MADD: variants seen among roughly 807,000 people sequenced by gnomAD.
MADD encodes MAP kinase activating death domain, also known as MAP kinase-activating death domain protein.
MADD carries 109 observed loss-of-function variants against 176.7 expected under a neutral mutation model. The ratio of observed to expected loss-of-function variants is 0.62; its 90% CI spans 0.53 to 0.72. The LOEUF (loss-of-function observed/expected upper bound fraction) is 0.72, where lower values mean the gene tolerates loss of function less well. MADD is among the 30% of genes least tolerant of loss of function. The probability of loss-of-function intolerance (pLI) is 0.00; values close to 1 mark genes in which losing one functional copy is unlikely to be tolerated. For missense variants in MADD, 1,914 were observed against 2,045.5 expected (o/e 0.94, Z 1.24); for synonymous variants, 771 against 771.3 (o/e 1.00, Z 0.01).
At chr11:47,316,492 G>A (rs918098696) in intron 27 of MADD, among the ~76,000 whole-genome samples, 2 of 149,620 alleles carry the variant, frequency 1.3e-5, no homozygotes, top group Non-Finnish European at 3.0e-5. Flanking sequence ...GGGTTCAAGC[G>A]ATTCTCCTGC....
chr11:47,274,522 C>G lies in MADD; in HGVS notation c.63-41C>G, dbSNP rs374560217. The G allele has an allele frequency of 6.0e-6, 9 of 1,492,408 alleles. 1 individual carries two copies. The African/African-American group carries it at 8.3e-5, about 14-fold the overall frequency. The allele number at this position is 1,492,408 out of a possible 1,614,324, so 92.4% of individuals were successfully genotyped here. On this transcript the variant is annotated intron_variant, in intron 2 of 32. Coordinates refer to ENST00000402192, the Ensembl canonical transcript of MADD. Reference sequence around the variant, plus strand: ...TGTGGTTAAAATTTGATAGCCCATTCCATCCCTTCAGGCTGCTGAATTTGT... The same window carrying G: ...TGTGGTTAAAATTTGATAGCCCATTGCATCCCTTCAGGCTGCTGAATTTGT...
chr11:47,282,533 A>G, exon 9 of MADD: 2 of 1,614,174 alleles, frequency 1.2e-6, no homozygotes, highest in Middle Eastern at 3.3e-4. Context: ...TTTGCCGAGA[A>G]ATTGGCCAGG....
At chr11:47,287,734 G>A (rs532377538) in intron 15 of MADD, among the ~76,000 whole-genome samples, 16 of 150,594 alleles carry the variant, frequency 1.1e-4, no homozygotes, top group Admixed American at 9.9e-4. Flanking sequence ...TCTCTGGATG[G>A]TATGACGAAA....
chr11:47,276,941 AGT>A (rs1192281937), intron 5 of MADD, 78 bp downstream of exon 5: 1 of 1,525,812 alleles, frequency 6.6e-7, no homozygotes, highest in Admixed American at 1.8e-5. Flanking sequence ...AGAAGTTGTA[AGT>A]GAGTGCTGGT....
chr11:47,288,487 T>A (rs758405565), intron 15 of MADD, among the ~76,000 whole-genome samples: 2 of 152,156 alleles, frequency 1.3e-5, no homozygotes, highest in Non-Finnish European at 2.9e-5. Context: ...CTTCATTTGG[T>A]ACATTTGAAG....
chr11:47,300,397 G>T (rs974650993), intron 22 of MADD, among the ~76,000 whole-genome samples: 2 of 151,764 alleles, frequency 1.3e-5, no homozygotes, highest in Non-Finnish European at 2.9e-5. Flanking sequence ...AGTAGAGACA[G>T]GGTTTCACCA....
intron 15 of MADD, among the ~76,000 whole-genome samples, chr11:47,287,944 C>T (rs547503833): frequency 2.0e-5 from 3 of 151,964 alleles, no homozygotes; most frequent in East Asian, 1.9e-4. Flanking sequence ...CCTGCCACCA[C>T]GCCTGCCTAA....
At chr11:47,284,140 T>G in intron 10 of MADD, 38 bp from the exon 11 acceptor site, 25 of 1,380,562 alleles carry the variant, frequency 1.8e-5, no homozygotes, top group South Asian at 2.3e-5. Flanking sequence ...CCCTGCCCCT[T>G]TCTGTTTTGT....
intron 31 of MADD, chr11:47,327,625 G>A (rs954920459): frequency 7.1e-6 from 7 of 985,178 alleles, no homozygotes; most frequent in Middle Eastern, 5.2e-4. Flanking sequence ...TTTCCTCCCC[G>A]TGTGTTCCCT....
exon 28 of MADD, chr11:47,323,673 G>A (rs2094938138): frequency 6.2e-7 from 1 of 1,612,908 alleles, no homozygotes; most frequent in Non-Finnish European, 8.5e-7. Context: ...TTCTCCAGGT[G>A]TGCGATGACT....
At position 47,326,665 on chromosome 11, in the gene MADD, C is replaced by T. The variant is rs1255541206; in HGVS notation, c.4543-73C>T. ...TTTCTTTGTGTGGGTGGGGCTGTAG[C>T]TGGGAGAGTGTGCTGTGTGGGGCAG... On this transcript the variant is annotated intron_variant, in intron 30 of 32. Transcript: ENST00000402192. 4.5e-6 allele frequency: 7 copies of T among 1,570,564 alleles called. No individual in the cohort carries two copies. In the Admixed American group the frequency reaches 9.2e-5, roughly 21 times the overall value.
At chr11:47,292,873 G>T (rs1294514707) in intron 19 of MADD, among the ~76,000 whole-genome samples, 1 of 152,122 alleles carries the variant, frequency 6.6e-6, no homozygotes, top group African/African-American at 2.4e-5. Context: ...GAGAATGTTT[G>T]CCTATTTTAG....
rs997031000 is a variant in MADD, at chr11:47,289,327, T to C, written c.2654-64T>C. On this transcript the variant is annotated intron_variant, in intron 15 of 32. Coordinates refer to ENST00000402192, the Ensembl canonical transcript of MADD. ...GGCATGGAACATGGCTACTTAGGGC[T>C]GTGCTGGCATGAGCTCCTGTACTAC... is the stretch of plus-strand genomic sequence containing the variant. 4.5e-6 allele frequency: 6 copies of C among 1,329,186 alleles called. No individual in the cohort carries two copies. In the African/African-American group the frequency reaches 8.7e-5, roughly 19 times the overall value. The allele number at this position is 1,329,186 out of a possible 1,614,324, so 82.3% of individuals were successfully genotyped here.
rs771451732 is a variant in MADD, at chr11:47,309,063, G to T, written c.3752-218G>T. ...TATAAGTAACCACATTTATTTGTGT[G>T]CTGTGTTCATCCCTCCTCCTTGGGA... On this transcript the variant is annotated intron_variant, in intron 23 of 32. Coordinates refer to ENST00000402192, the Ensembl canonical transcript of MADD. The T allele has an allele frequency of 1.9e-6, 3 of 1,613,494 alleles. No homozygotes were observed. The African/African-American group carries it at 4.0e-5, about 22-fold the overall frequency.
chr11:47,299,855 C>T (rs1195308422), intron 22 of MADD, among the ~76,000 whole-genome samples: 1 of 152,124 alleles, frequency 6.6e-6, no homozygotes, highest in African/African-American at 2.4e-5. Flanking sequence ...GTTTGACTTC[C>T]TTCTGTCCAA....
At chr11:47,319,241 C>G (rs941600737) in intron 27 of MADD, among the ~76,000 whole-genome samples, 1 of 151,216 alleles carries the variant, frequency 6.6e-6, no homozygotes, top group Non-Finnish European at 1.5e-5. Flanking sequence ...AAGAGATTCT[C>G]CTACCTCAGA....
At chr11:47,326,128 T>A (rs2095432267) in intron 30 of MADD, among the ~76,000 whole-genome samples, 1 of 135,646 alleles carries the variant, frequency 7.4e-6, no homozygotes, top group Non-Finnish European at 1.5e-5. Context: ...AGTTTCCTCA[T>A]GTAGAAAATG....
At chr11:47,289,800 G>A (rs1444848724) in intron 16 of MADD, 67 bp from the exon 18 acceptor site, 55 of 1,554,802 alleles carry the variant, frequency 3.5e-5, no homozygotes, top group Non-Finnish European at 4.8e-5. Context: ...CATCTAGTCT[G>A]GGTGAAAGGT....
exon 20 of MADD, chr11:47,293,937 C>T (rs754713281): frequency 3.1e-6 from 5 of 1,614,048 alleles, no homozygotes; most frequent in Middle Eastern, 3.3e-4. Context: ...GAGAAAAAGT[C>T]CCAGATCAGC....
Sources: gnomAD v4.1 joint callset for allele counts (sites outside exome capture counted in the v4.1 genomes callset) on GRCh38, gnomAD v4.1.1 for gene constraint, MANE v1.5 for transcripts, NCBI Gene and HGNC (gene_info 2026-07-23, HGNC 2026-07-21) for gene names.